The following MAP2K5 variants were observed in gnomAD, a reference collection of about 807,000 sequenced individuals.
MAP2K5 encodes the protein mitogen-activated protein kinase kinase 5, also known as dual specificity mitogen-activated protein kinase kinase 5.
A neutral mutation model predicts 83.1 loss-of-function variants in MAP2K5; 49 were observed. The ratio of observed to expected loss-of-function variants is 0.59; its 90% CI spans 0.47 to 0.75. The LOEUF is 0.75. Ranked by LOEUF, MAP2K5 falls within the 30% of genes least tolerant of loss-of-function variation. The probability of loss-of-function intolerance (pLI) is 0.00; values close to 1 mark genes in which losing one functional copy is unlikely to be tolerated. For missense variants in MAP2K5, 457 were observed against 557.5 expected (o/e 0.82, Z 1.82); for synonymous variants, 202 against 191.8 (o/e 1.05, Z -0.44).
At chr15:67,762,115 G>A (rs1326840033) in intron 19 of MAP2K5, among the ~76,000 whole-genome samples, 6 of 152,252 alleles carry the variant, frequency 3.9e-5, no homozygotes, top group Non-Finnish European at 8.8e-5. Flanking sequence ...GTGGATGTCA[G>A]TGGTCATGCT....
chr15:67,688,841 G>A (rs907250196), intron 13 of MAP2K5, among the ~76,000 whole-genome samples: 4 of 152,140 alleles, frequency 2.6e-5, no homozygotes, highest in Non-Finnish European at 4.4e-5. Flanking sequence ...CAGGTCATAT[G>A]TCTCCTAGCC....
At position 67,609,242 on chromosome 15, in the gene MAP2K5, C is replaced by A. The variant is rs552873517; in HGVS notation, c.545+8493C>A. Among the ~76,000 whole-genome samples the A allele has an allele frequency of 3.3e-5, 5 of 152,188 alleles. No homozygotes were observed. In the East Asian group the frequency reaches 9.7e-4, roughly 29 times the overall value. ...TAGTCTATATTCATTTTTCACTGAA[C>A]ATCCTGTCACTGTGCCAAGGACTAT... On this transcript the variant is annotated intron_variant, in intron 8 of 21. Coordinates refer to ENST00000178640, the MANE Select transcript of MAP2K5 (RefSeq NM_145160.3).
intron 4 of MAP2K5, among the ~76,000 whole-genome samples, chr15:67,581,086 TG>T (rs1292365312): frequency 2.0e-5 from 3 of 152,214 alleles, no homozygotes; most frequent in African/African-American, 7.2e-5. Flanking sequence ...AGAACTCTTT[TG>T]GGGGTCCACA....
intron 8 of MAP2K5, among the ~76,000 whole-genome samples, chr15:67,610,967 A>T (rs1405231366): frequency 6.6e-6 from 1 of 152,238 alleles, no homozygotes; most frequent in African/African-American, 2.4e-5. Context: ...TTTAAATAAT[A>T]AAATGAAAAA....
chr15:67,564,575 A>G (rs896551515), intron 3 of MAP2K5, among the ~76,000 whole-genome samples: 24 of 152,220 alleles, frequency 1.6e-4, no homozygotes, highest in Admixed American at 5.9e-4. Context: ...TTGCATTCCA[A>G]CCAGCACAGA....
intron 3 of MAP2K5, among the ~76,000 whole-genome samples, chr15:67,575,808 C>T (rs1297702719): frequency 1.3e-5 from 2 of 151,884 alleles, no homozygotes; most frequent in African/African-American, 4.8e-5. Flanking sequence ...TAGTGCTGAG[C>T]CTAACACACA....
chr15:67,735,680 G>C lies in MAP2K5; in HGVS notation c.1074+7735G>C, dbSNP rs373245388. Among the ~76,000 whole-genome samples the C allele has an allele frequency of 2.0e-5, 3 of 152,362 alleles. No individual in the cohort carries two copies. The East Asian group carries it at 5.8e-4, about 29-fold the overall frequency. ...TTCAGGAAACCAAGAGGGTTTCACAGAGTAGATAGCTGACGCTTGAGCCGA... is the reference window on the plus strand; with the variant it reads ...TTCAGGAAACCAAGAGGGTTTCACACAGTAGATAGCTGACGCTTGAGCCGA... On this transcript the variant is annotated intron_variant, in intron 17 of 21. Transcript: ENST00000178640.
At chr15:67,574,907 T>C (rs780902084) in intron 3 of MAP2K5, among the ~76,000 whole-genome samples, 6 of 152,070 alleles carry the variant, frequency 3.9e-5, no homozygotes, top group Non-Finnish European at 7.4e-5. Context: ...AAATAAAATT[T>C]AGTGGTTAAA....
In MAP2K5 at chr15:67,720,277, T is replaced by C. The variant is rs1200060691; in HGVS notation, c.1045-7639T>C. 3.3e-5 allele frequency among the ~76,000 whole-genome samples: 5 copies of C among 151,968 alleles called. No individual in the cohort carries two copies. Among genetic ancestry groups the C allele is most frequent in the African/African-American group, 1.2e-4 (5 of 41,302 alleles). On this transcript the variant is annotated intron_variant, in intron 16 of 21. Coordinates refer to ENST00000178640, the MANE Select transcript of MAP2K5 (RefSeq NM_145160.3). This position sits in a 1 kb window ranked among gnomAD's most constrained non-coding sequence, Gnocchi z 5.7. ...GCATATATATACACACACATATGCT[T>C]ATATATACATAAGTATACACATACA...
intron 8 of MAP2K5, among the ~76,000 whole-genome samples, chr15:67,620,468 A>G (rs915809266): frequency 6.6e-6 from 1 of 152,242 alleles, no homozygotes; most frequent in African/African-American, 2.4e-5. Context: ...ACACGAACAT[A>G]TAAGGCAATA....
At chr15:67,550,192 A>G in intron 2 of MAP2K5, 110 bp downstream of exon 2, 1 of 726,442 alleles carries the variant, frequency 1.4e-6, no homozygotes, top group Admixed American at 2.2e-5. Flanking sequence ...ATTTATGACC[A>G]TCATATGGTA....
At chr15:67,619,676 C>G (rs1303117219) in intron 8 of MAP2K5, among the ~76,000 whole-genome samples, 1 of 152,218 alleles carries the variant, frequency 6.6e-6, no homozygotes, top group East Asian at 1.9e-4. Context: ...TCTGTAATCC[C>G]AGCACTTTGG....
chr15:67,681,550 A>G (rs926507732), intron 13 of MAP2K5, among the ~76,000 whole-genome samples: 1 of 152,198 alleles, frequency 6.6e-6, no homozygotes, highest in African/African-American at 2.4e-5. Flanking sequence ...GGAGTATTGG[A>G]TATTAAAAAT....
chr15:67,782,688 A>G lies in MAP2K5; in HGVS notation c.1242+9936A>G, dbSNP rs1186084769. On this transcript the variant is annotated intron_variant, in intron 21 of 21. Transcript: ENST00000178640. The surrounding 1 kb of genome is among the most constrained non-coding windows in gnomAD (Gnocchi z 4.9). ...GCCTGCTCCAGTTTCTAATTTTTAA[A>G]TTAAACATGACTTTTTTTTTAAGCC... 6.6e-6 allele frequency among the ~76,000 whole-genome samples: 1 copy of G among 152,214 alleles called. No homozygotes were observed.
chr15:67,723,275 C>A (rs556462681), intron 16 of MAP2K5, among the ~76,000 whole-genome samples: 2 of 152,126 alleles, frequency 1.3e-5, no homozygotes. Flanking sequence ...CTCTCTTTCA[C>A]GCACAGGCAC....
chr15:67,678,025 G>A (rs1351873574), intron 13 of MAP2K5, among the ~76,000 whole-genome samples: 1 of 152,156 alleles, frequency 6.6e-6, no homozygotes, highest in Non-Finnish European at 1.5e-5. Flanking sequence ...GGAGTCATTA[G>A]AATAACTTTT....
rs867928451 is a variant in MAP2K5, at chr15:67,640,321, G to A, written c.586-5910G>A. Among the ~76,000 whole-genome samples, 4 of 152,142 alleles carry A rather than the reference G, an allele frequency of 2.6e-5. No individual in the cohort carries two copies. The highest frequency in any genetic ancestry group is 3.8e-4 in the East Asian group (2 of 5,204). ...GCTCACATACAAAATATCTCATAGC[G>A]TTCTTTATATGGACCATTGCTCTCA... On this transcript the variant is annotated intron_variant, in intron 9 of 21. Coordinates refer to ENST00000178640, the MANE Select transcript of MAP2K5 (RefSeq NM_145160.3). The surrounding 1 kb of genome is among the most constrained non-coding windows in gnomAD (Gnocchi z 4.6).
intron 13 of MAP2K5, among the ~76,000 whole-genome samples, chr15:67,686,538 G>A (rs1690096295): frequency 6.6e-6 from 1 of 151,578 alleles, no homozygotes; most frequent in African/African-American, 2.4e-5. Context: ...AGGAGGCAGA[G>A]GTTGCAGTGA....
Position 67,780,727 on chromosome 15 carries a change from A to G in MAP2K5, c.1242+7975A>G, listed in dbSNP as rs188125082. 1.6e-4 allele frequency among the ~76,000 whole-genome samples: 24 copies of G among 152,340 alleles called. No homozygotes were observed. The highest frequency in any genetic ancestry group is 5.8e-4 in the African/African-American group (24 of 41,580). ...AGAAAATTTGGTGCCAAAATAATAA[A>G]ATTTCTAGGATGTTCCAATATTTGC... is the stretch of plus-strand genomic sequence containing the variant. On this transcript the variant is annotated intron_variant, in intron 21 of 21. Coordinates refer to ENST00000178640, the MANE Select transcript of MAP2K5 (RefSeq NM_145160.3). The surrounding 1 kb of genome is among the most constrained non-coding windows in gnomAD (Gnocchi z 5.0).
Sources: allele counts gnomAD v4.1 joint callset (sites outside exome capture counted in the v4.1 genomes callset), GRCh38; gene constraint gnomAD v4.1.1; non-coding constraint Gnocchi (gnomAD v3.1); transcripts MANE v1.5; gene names NCBI Gene and HGNC (gene_info 2026-07-23, HGNC 2026-07-21).